Variants in CACNG7 observed in about 807,000 individuals in gnomAD.
CACNG7 encodes the protein calcium voltage-gated channel auxiliary subunit gamma 7, also known as voltage-dependent calcium channel gamma-7 subunit.
In CACNG7, 9 loss-of-function variants were observed where a neutral mutation model predicts 26.3. That is an observed-to-expected ratio of 0.34 (90% CI 0.21 to 0.60). The LOEUF (loss-of-function observed/expected upper bound fraction) is 0.60, where lower values mean the gene tolerates loss of function less well. Ranked by LOEUF, CACNG7 falls within the 20% of genes least tolerant of loss-of-function variation. The pLI, the probability that CACNG7 is intolerant of heterozygous loss-of-function variation, is 0.81. For missense variants in CACNG7, 297 were observed against 380.4 expected (o/e 0.78, Z 1.82); for synonymous variants, 170 against 157.0 (o/e 1.08, Z -0.62).
At position 53,939,094 on chromosome 19, in the gene CACNG7, T is replaced by G. The variant is rs958101673; in HGVS notation, c.425-2376T>G. Among the ~76,000 whole-genome samples, 2 of 152,032 alleles carry G rather than the reference T, an allele frequency of 1.3e-5. No homozygotes were observed. The highest frequency in any genetic ancestry group is 2.9e-5 in the Non-Finnish European group (2 of 68,000). ...CAACATTGTGAAGCCCTGTCTCTAC[T>G]AAAAATACAAAAATTAGCCAGGCAT... is the stretch of plus-strand genomic sequence containing the variant. On this transcript the variant is annotated intron_variant, in intron 4 of 5. Coordinates refer to ENST00000391767, the MANE Select transcript of CACNG7 (RefSeq NM_031896.5). The surrounding 1 kb of genome is among the most constrained non-coding windows in gnomAD (Gnocchi z 4.2).
At chr19:53,923,650 C>G (rs369419095) in intron 4 of CACNG7, among the ~76,000 whole-genome samples, 383 of 62,640 alleles carry the variant, frequency 6.1e-3, no homozygotes, top group African/African-American at 0.013. Flanking sequence ...GTCATTGGTG[C>G]AGTTGCCCCA....
Position 53,922,052 on chromosome 19 carries a change from T to TC in CACNG7, c.424+6547_424+6548insC, listed in dbSNP as rs542769204. On this transcript the variant is annotated intron_variant, in intron 4 of 5. Coordinates refer to ENST00000391767, the MANE Select transcript of CACNG7 (RefSeq NM_031896.5). ...TTGGTGGAGTTGTCCCCAGGCCTGGTATTGGTGGAGTTGCCCCAGGTCTGG... is the reference window on the plus strand; with the variant it reads ...TTGGTGGAGTTGTCCCCAGGCCTGGTCATTGGTGGAGTTGCCCCAGGTCTGG... Among the ~76,000 whole-genome samples, 60 of 57,952 alleles carry TC rather than the reference T, an allele frequency of 1.0e-3. 3 individuals carry two copies. The highest frequency in any genetic ancestry group is 1.3e-3 in the Non-Finnish European group (40 of 31,056). 38.0% of individuals were successfully genotyped at this position (57,952 alleles called of 152,430 possible).
Position 53,912,675 on chromosome 19 carries a change from G to C in CACNG7, c.-29-128G>C. On this transcript the variant is annotated intron_variant, in intron 1 of 5. Transcript: ENST00000391767. This position sits in a 1 kb window ranked among gnomAD's most constrained non-coding sequence, Gnocchi z 4.6. The stretch of plus-strand genomic sequence containing the variant: ...TTGGGGTCATGGGTCAGGCCACGGA[G>C]GTCAGATCTGAGATTTCGATTTGGG... 1 of 700,666 alleles carries C rather than the reference G, an allele frequency of 1.4e-6. No homozygotes were observed. Among genetic ancestry groups the C allele is most frequent in the Non-Finnish European group, 2.4e-6 (1 of 412,166 alleles). The allele number at this position is 700,666 out of a possible 1,614,324, so 43.4% of individuals were successfully genotyped here.
At chr19:53,915,230 G>A in intron 3 of CACNG7, 135 bp from the exon 4 acceptor site, 1 of 648,626 alleles carries the variant, frequency 1.5e-6, no homozygotes, top group East Asian at 2.7e-5. Context: ...AGTCAGTGGG[G>A]AAGGGGAGGA....
chr19:53,938,897 A>G (rs1464678865), intron 4 of CACNG7, among the ~76,000 whole-genome samples: 1 of 151,756 alleles, frequency 6.6e-6, no homozygotes, highest in African/African-American at 2.4e-5. Flanking sequence ...GCAGTGAGCC[A>G]TGATTGTCCC....
intron 4 of CACNG7, among the ~76,000 whole-genome samples, chr19:53,924,791 GT>G (rs1568777881): frequency 2.1e-5 from 2 of 96,302 alleles, no homozygotes; most frequent in African/African-American, 4.6e-5. Flanking sequence ...GACTTGCCTA[GT>G]GCTGGTCATT....
At chr19:53,913,785 TA>T (rs58238779) in intron 2 of CACNG7, among the ~76,000 whole-genome samples, 5,238 of 94,024 alleles carry the variant, frequency 0.056, 287 homozygotes, top group African/African-American at 0.17. Context: ...CCCAGTCTCT[TA>T]AAAAAAAAAA....
intron 4 of CACNG7, among the ~76,000 whole-genome samples, chr19:53,921,507 T>C (rs1262096060): frequency 1.1e-4 from 15 of 132,180 alleles, no homozygotes; most frequent in South Asian, 2.6e-4. Flanking sequence ...TTGCCCCAGG[T>C]CTGGTATTGG....
Position 53,923,925 on chromosome 19 carries a change from GT to G in CACNG7, c.424+8421del, listed in dbSNP as rs565140233. Among the ~76,000 whole-genome samples, 7 of 133,944 alleles carry G rather than the reference GT, an allele frequency of 5.2e-5. No homozygotes were observed. In the East Asian group the frequency reaches 7.3e-4, roughly 14 times the overall value. The allele number at this position is 133,944 out of a possible 152,430, so 87.9% of individuals were successfully genotyped here. ...CCCAGGTCTGGTCATTGGTGGAGTT[GT>G]CCCCAGGTCTGGTATTGGTGGAGTT... On this transcript the variant is annotated intron_variant, in intron 4 of 5. Transcript: ENST00000391767.
At chr19:53,935,331 T>C (rs1008163787) in intron 4 of CACNG7, among the ~76,000 whole-genome samples, 1 of 152,032 alleles carries the variant, frequency 6.6e-6, no homozygotes, top group Non-Finnish European at 1.5e-5. Flanking sequence ...GTCTTTTTTT[T>C]TTTTTTTAAT....
chr19:53,929,623 A>G (rs2069057937), intron 4 of CACNG7, among the ~76,000 whole-genome samples: 1 of 151,894 alleles, frequency 6.6e-6, no homozygotes, highest in Non-Finnish European at 1.5e-5. Context: ...TGCCTGGCTA[A>G]TTTTTGTATT....
intron 4 of CACNG7, among the ~76,000 whole-genome samples, chr19:53,930,836 A>AT (rs944325266): frequency 6.6e-6 from 1 of 151,946 alleles, no homozygotes; most frequent in Non-Finnish European, 1.5e-5. Flanking sequence ...CCACACACAG[A>AT]TTTTTTTTGG....
intron 4 of CACNG7, among the ~76,000 whole-genome samples, chr19:53,934,926 T>C (rs2069095765): frequency 6.6e-6 from 1 of 152,030 alleles, no homozygotes; most frequent in African/African-American, 2.4e-5. Context: ...TACAATGAAC[T>C]CTCATATCCT....
At chr19:53,919,421 CTTGCCCCAGGCTGGTCATTGGTGGAG>C (rs1568772582) in intron 4 of CACNG7, among the ~76,000 whole-genome samples, 3 of 132,416 alleles carry the variant, frequency 2.3e-5, no homozygotes, top group South Asian at 2.6e-4. Context: ...CATTGGTGGA[CTTGCCCCAGGCTGGTCATTGGTGGAG>C]TTGCCCCAGG....
chr19:53,933,369 G>A (rs984186099), intron 4 of CACNG7, among the ~76,000 whole-genome samples: 3 of 145,938 alleles, frequency 2.1e-5, no homozygotes, highest in African/African-American at 5.1e-5. Flanking sequence ...GTGCGGTCTC[G>A]GCTCGCTGCA....
Position 53,915,377 on chromosome 19 carries a change from C to A in CACNG7, c.296C>A (p.Thr99Lys). ...ATCCCCTCCCCAGAGACAGTGCGCA[C>A]GGCCACCCCCTTCCCCATGGTCAGC... ...NTENILKTVR[T>K]ATPFPMVSLF... Residue 99 changes from threonine to lysine, a missense_variant, in exon 4 of 6, where the codon ACG becomes AAG. Transcript: ENST00000391767. 1 of 1,613,636 alleles carries A rather than the reference C, an allele frequency of 6.2e-7. No homozygotes were observed. The highest frequency in any genetic ancestry group is 1.3e-5 in the African/African-American group (1 of 75,016).
intron 4 of CACNG7, among the ~76,000 whole-genome samples, chr19:53,919,937 T>TC (rs71304170): frequency 1.7e-5 from 2 of 115,248 alleles, no homozygotes; most frequent in Non-Finnish European, 3.4e-5. Flanking sequence ...CCAGGCCTGG[T>TC]ATTGGTGGAG....
intron 4 of CACNG7, among the ~76,000 whole-genome samples, chr19:53,933,649 G>C (rs545882571): frequency 6.6e-6 from 1 of 151,668 alleles, no homozygotes; most frequent in East Asian, 1.9e-4. Context: ...AGCTTAGATG[G>C]ATGCAGGTTT....
At chr19:53,921,190 C>CATTGGTGGAGTTGTCCCCAGGCCTGGT (rs2068946429) in intron 4 of CACNG7, among the ~76,000 whole-genome samples, 1 of 67,992 alleles carries the variant, frequency 1.5e-5, no homozygotes, top group Non-Finnish European at 2.5e-5. Flanking sequence ...CCAGGCTGGT[C>CATTGGTGGAGTTGTCCCCAGGCCTGGT]ATTGGTGGAG....
Sources: allele counts gnomAD v4.1 joint callset (sites outside exome capture counted in the v4.1 genomes callset), GRCh38; gene constraint gnomAD v4.1.1; non-coding constraint Gnocchi (gnomAD v3.1); transcripts MANE v1.5; gene names NCBI Gene and HGNC (gene_info 2026-07-23, HGNC 2026-07-21).